TXNRD2: variants seen among roughly 807,000 people sequenced by gnomAD.
TXNRD2 encodes the protein thioredoxin reductase 2.
Under a neutral mutation model 70.8 loss-of-function variants are expected in TXNRD2, and 67 were observed. That is an observed-to-expected ratio of 0.95 (90% CI 0.78 to 1.16). TXNRD2 has a LOEUF of 1.16. TXNRD2 is among the 50% of genes most tolerant of loss of function. TXNRD2 has a pLI of 0.00. For missense variants in TXNRD2, 644 were observed against 719.9 expected, an observed-to-expected ratio of 0.89 and a Z score of 1.21; for synonymous variants, 301 against 295.8, an observed-to-expected ratio of 1.02 and a Z score of -0.18.
At chr22:19,881,781 C>T (rs60832012) in intron 12 of TXNRD2, among the ~76,000 whole-genome samples, 2,078 of 152,276 alleles carry the variant, frequency 0.014, 48 homozygotes, top group African/African-American at 0.047. Flanking sequence ...CCTACATGGT[C>T]CACAGGCAGA....
intron 1 of TXNRD2, among the ~76,000 whole-genome samples, chr22:19,933,857 A>G (rs1941451185): frequency 6.6e-6 from 1 of 152,184 alleles, no homozygotes; most frequent in African/African-American, 2.4e-5. Context: ...CACTTTAGCC[A>G]GGCATACCCT....
chr22:19,901,969 T>C (rs1298196612), intron 8 of TXNRD2, among the ~76,000 whole-genome samples: 1 of 152,128 alleles, frequency 6.6e-6, no homozygotes, highest in East Asian at 1.9e-4. Context: ...GAGGCCAAGG[T>C]GGACAGACTG....
intron 8 of TXNRD2, among the ~76,000 whole-genome samples, chr22:19,899,633 C>T (rs1353451995): frequency 6.6e-6 from 1 of 152,264 alleles, no homozygotes; most frequent in African/African-American, 2.4e-5. Context: ...GACCAGCAGT[C>T]ATTGGAAATA....
chr22:19,892,174 G>T (rs376435078), intron 11 of TXNRD2, among the ~76,000 whole-genome samples: 3 of 152,392 alleles, frequency 2.0e-5, no homozygotes, highest in South Asian at 2.1e-4. Context: ...CCCCTAGGGC[G>T]CTTTATTTTA....
At chr22:19,911,833 G>A (rs956872045) in intron 7 of TXNRD2, among the ~76,000 whole-genome samples, 10 of 152,150 alleles carry the variant, frequency 6.6e-5, no homozygotes, top group Non-Finnish European at 1.5e-5. Context: ...CAAACAGACA[G>A]GGGCATGCAG....
intron 2 of TXNRD2, among the ~76,000 whole-genome samples, chr22:19,930,767 T>C (rs1221086297): frequency 2.0e-5 from 3 of 152,040 alleles, no homozygotes; most frequent in South Asian, 2.1e-4. Context: ...ACTAGTCGGA[T>C]TGGGGCTGTC....
chr22:19,880,125 G>T, intron 14 of TXNRD2, 54 bp downstream of exon 14: 2 of 1,574,248 alleles, frequency 1.3e-6, no homozygotes, highest in South Asian at 2.2e-5. Context: ...CCAGAGCATG[G>T]GGTGAGGTCG....
chr22:19,906,883 T>A (rs182561659), intron 8 of TXNRD2, among the ~76,000 whole-genome samples: 19 of 132,700 alleles, frequency 1.4e-4, no homozygotes, highest in African/African-American at 4.9e-4. Context: ...CAGTGACCGC[T>A]CTCAGGAGGG....
At chr22:19,913,086 G>A (rs1037194850) in intron 7 of TXNRD2, among the ~76,000 whole-genome samples, 2 of 152,076 alleles carry the variant, frequency 1.3e-5, no homozygotes, top group African/African-American at 4.8e-5. Flanking sequence ...CTCACCCCCA[G>A]CCCATTTGCT....
chr22:19,899,748 C>T (rs1439058077), intron 8 of TXNRD2, among the ~76,000 whole-genome samples: 2 of 152,246 alleles, frequency 1.3e-5, no homozygotes, highest in Non-Finnish European at 2.9e-5. Context: ...ATGCCACACA[C>T]CTGCATGCAC....
chr22:19,913,135 G>A (rs905835849), intron 7 of TXNRD2, among the ~76,000 whole-genome samples: 8 of 152,082 alleles, frequency 5.3e-5, no homozygotes, highest in African/African-American at 1.7e-4. Flanking sequence ...TCACCCCGGG[G>A]CCCCTTCCTC....
chr22:19,880,822 ATC>A (rs1299759003), intron 12 of TXNRD2, 105 bp from the exon 13 acceptor site: 13 of 758,118 alleles, frequency 1.7e-5, no homozygotes, highest in African/African-American at 6.9e-5. Context: ...CCTTTAGAAA[ATC>A]CCCAACACTG....
At chr22:19,878,645 G>C (rs1472558718) in intron 14 of TXNRD2, among the ~76,000 whole-genome samples, 1 of 152,236 alleles carries the variant, frequency 6.6e-6, no homozygotes, top group Non-Finnish European at 1.5e-5. Context: ...CCAGTGGCTG[G>C]AGCCATGCTC....
chr22:19,933,645 T>C (rs1192285955), intron 1 of TXNRD2: 1 of 473,558 alleles, frequency 2.1e-6, no homozygotes, highest in Non-Finnish European at 3.4e-6. Context: ...AGGGCAGTCG[T>C]TTGCAAGCAT....
chr22:19,893,052 T>C (rs1939336428), intron 11 of TXNRD2, among the ~76,000 whole-genome samples: 1 of 152,212 alleles, frequency 6.6e-6, no homozygotes, highest in Non-Finnish European at 1.5e-5. Flanking sequence ...TGCACAAAAG[T>C]GAAGCCTCAG....
At chr22:19,907,179 CCA>C (rs1940075051) in intron 8 of TXNRD2, among the ~76,000 whole-genome samples, 1 of 70,520 alleles carries the variant, frequency 1.4e-5, no homozygotes. Context: ...TGTGGGCGCA[CCA>C]TGAGTAGCAG....
In TXNRD2 at chr22:19,911,142, G is replaced by A. The variant is rs1245468004; in HGVS notation, c.662+235C>T. 4.7e-6 allele frequency: 3 copies of A among 640,818 alleles called. No individual in the cohort carries two copies. In the South Asian group the frequency reaches 4.9e-5, roughly 10 times the overall value. 39.7% of individuals were successfully genotyped at this position (640,818 alleles called of 1,614,324 possible). A position where few individuals can be genotyped will look rare whatever the true frequency, so the allele number is the denominator to read the frequency against. On this transcript the variant is annotated intron_variant, in intron 8 of 17. Transcript: ENST00000400521. ...GTAGAGGTCTCACTATATTGCCCAG[G>A]CTGATGCTGATCTCGAACTCCTGGC...
chr22:19,916,921 TGACAAAAG>T (rs979458447), intron 5 of TXNRD2, among the ~76,000 whole-genome samples: 1 of 152,196 alleles, frequency 6.6e-6, no homozygotes, highest in Admixed American at 6.5e-5. Flanking sequence ...CACTTTCTAA[TGACAAAAG>T]GACCGTGCTG....
intron 10 of TXNRD2, 37 bp downstream of exon 10, chr22:19,898,002 G>C: frequency 6.5e-7 from 1 of 1,530,244 alleles, no homozygotes. Context: ...GAAGGCCTCA[G>C]AGCCACAGGG....
Sources: gnomAD v4.1 joint callset for allele counts (sites outside exome capture counted in the v4.1 genomes callset) on GRCh38, gnomAD v4.1.1 for gene constraint, MANE v1.5 for transcripts, NCBI Gene and HGNC (gene_info 2026-07-23, HGNC 2026-07-21) for gene names.